Variants in PSME4 observed in about 807,000 individuals in gnomAD.
The protein encoded by PSME4 is proteasome activator subunit 4.
PSME4 carries 89 observed loss-of-function variants against 253.9 expected under a neutral mutation model. That is an observed-to-expected ratio of 0.35 (90% CI 0.30 to 0.42). The LOEUF (loss-of-function observed/expected upper bound fraction) is 0.42. Among genes scored for constraint, PSME4 ranks in the 10% least tolerant of loss-of-function variants. PSME4 has a pLI of 1.00. For missense variants in PSME4, 2,014 were observed against 2,195.2 expected (o/e 0.92, Z 1.65); for synonymous variants, 851 against 759.2 (o/e 1.12, Z -1.99).
At chr2:53,888,074 C>T in intron 38 of PSME4, 85 bp from the exon 39 acceptor site, 2 of 1,356,936 alleles carry the variant, frequency 1.5e-6, no homozygotes, top group Non-Finnish European at 1.9e-6. Flanking sequence ...ATCTGTATTT[C>T]ACTTAAAGCT....
chr2:53,886,790 G>A (rs561571899), intron 40 of PSME4, among the ~76,000 whole-genome samples: 6 of 152,270 alleles, frequency 3.9e-5, no homozygotes, highest in African/African-American at 1.4e-4. Flanking sequence ...ATAGCCAAAG[G>A]TGGAAACCCA....
chr2:53,885,459 T>C (rs1679593292), intron 41 of PSME4, among the ~76,000 whole-genome samples: 1 of 152,184 alleles, frequency 6.6e-6, no homozygotes, highest in Non-Finnish European at 1.5e-5. Context: ...TAAAACAATA[T>C]TCCGTTAAAT....
At chr2:53,923,593 A>G (rs928102198) in intron 14 of PSME4, among the ~76,000 whole-genome samples, 174 bp from the exon 15 acceptor site, 1 of 152,178 alleles carries the variant, frequency 6.6e-6, no homozygotes, top group Non-Finnish European at 1.5e-5. Flanking sequence ...CAGGTCTAAG[A>G]ACAATCTTTG....
At chr2:53,945,670 A>T (rs1669668147) in intron 3 of PSME4, among the ~76,000 whole-genome samples, 1 of 152,222 alleles carries the variant, frequency 6.6e-6, no homozygotes, top group South Asian at 2.1e-4. Context: ...TGATTTCAAT[A>T]AGGACTAAAA....
At position 53,874,411 on chromosome 2, in the gene PSME4, G is replaced by A. The variant is rs760678117; in HGVS notation, c.5028C>T (p.Phe1676=). The A allele has an allele frequency of 1.9e-6, 3 of 1,613,662 alleles. No homozygotes were observed. The highest frequency in any genetic ancestry group is 2.2e-5 in the South Asian group (2 of 91,078). The change falls in exon 43 of 47, where the codon TTC becomes TTT. Residue 1676 remains phenylalanine, a synonymous_variant. Transcript: ENST00000404125. The stretch of plus-strand genomic sequence containing the variant: ...CTTTAACTGCATCTTCATTGTTTAG[G>A]AAAATAAAGAGGTTATAAAATACCA... ...QTMVFYNLFI[F]LNNEDAVKDI...
At chr2:53,874,515 T>C (rs753794066) in intron 42 of PSME4, 21 bp from the exon 43 acceptor site, 25 of 1,610,370 alleles carry the variant, frequency 1.6e-5, no homozygotes, top group Non-Finnish European at 2.0e-5. Flanking sequence ...CAAATAAATA[T>C]AAACGATAAA....
intron 29 of PSME4, among the ~76,000 whole-genome samples, chr2:53,899,045 AAGAT>A (rs764312824): frequency 3.3e-5 from 5 of 152,092 alleles, no homozygotes; most frequent in Admixed American, 6.5e-5. Context: ...TAGAAAAAAA[AAGAT>A]AGGACAGTGA....
At chr2:53,896,289 T>C (rs1318313635) in intron 32 of PSME4, among the ~76,000 whole-genome samples, 2 of 152,182 alleles carry the variant, frequency 1.3e-5, no homozygotes, top group African/African-American at 4.8e-5. Flanking sequence ...GAATGTACTT[T>C]ATATGAAAAA....
At position 53,925,572 on chromosome 2, in the gene PSME4, T is replaced by G. The variant is rs1668525629; in HGVS notation, c.1776A>C (p.Thr592=). The change falls in exon 14 of 47, where the codon ACA becomes ACC. Residue 592 remains threonine (T), a synonymous_variant. Transcript: ENST00000404125. ...TTTCTTTGGAACATTGGGTGAGGAT[T>G]GTACTAAACGTAGAAGACAGACCTA... ...VELGLSSTFS[T]ILTQCSKEIF... The G allele has an allele frequency of 4.4e-6, 7 of 1,588,402 alleles. No homozygotes were observed. The highest frequency in any genetic ancestry group is 2.3e-5 in the East Asian group (1 of 44,286).
intron 4 of PSME4, among the ~76,000 whole-genome samples, chr2:53,938,615 A>T (rs1438404742): frequency 6.6e-6 from 1 of 151,988 alleles, no homozygotes; most frequent in Admixed American, 6.6e-5. Flanking sequence ...CAGCCTTAAG[A>T]GGTTTAAAAT....
At chr2:53,901,636 A>G (rs1287458777) in intron 27 of PSME4, 77 bp from the exon 28 acceptor site, 1 of 1,214,168 alleles carries the variant, frequency 8.2e-7, no homozygotes, top group Non-Finnish European at 1.1e-6. Context: ...GCACCTATGT[A>G]TTGGTTTTAA....
chr2:53,949,722 G>T (rs1669889810), intron 1 of PSME4, among the ~76,000 whole-genome samples: 1 of 152,148 alleles, frequency 6.6e-6, no homozygotes, highest in Admixed American at 6.5e-5. Flanking sequence ...GCTGCCAGGG[G>T]TTGCAAGGAC....
Position 53,920,334 on chromosome 2 carries a change from C to T in PSME4, c.2279G>A (p.Gly760Glu), listed in dbSNP as rs1668243698. ...CTGGATTCCCAGATTCCACAAGTCC[C>T]CGGGTTTGCCCCAGTCCTAGAAGAG... is the stretch of plus-strand genomic sequence containing the variant. ...YFPIKDWGKP[G>E]DLWNLGIQWH... is the part of the protein sequence containing the mutation. Residue 760 changes from glycine (G) to glutamate (E), a missense_variant, in exon 19 of 47, where the codon GGG becomes GAG. This residue lies in a region of PSME4 where 989 missense variants were observed against 1,021.1 expected (regional missense o/e 0.97). Coordinates refer to ENST00000404125, the MANE Select transcript of PSME4 (RefSeq NM_014614.3). The T allele has an allele frequency of 6.2e-7, 1 of 1,612,664 alleles. No homozygotes were observed. The highest frequency in any genetic ancestry group is 8.5e-7 in the Non-Finnish European group (1 of 1,179,228).
At chr2:53,923,145 C>A (rs1558687383) in intron 15 of PSME4, 27 bp from the exon 16 acceptor site, 2 of 1,574,338 alleles carry the variant, frequency 1.3e-6, no homozygotes, top group African/African-American at 1.4e-5. Flanking sequence ...ATAAGTAAGG[C>A]TTTTTTGAAA....
At chr2:53,960,138 G>A (rs975246047) in intron 1 of PSME4, among the ~76,000 whole-genome samples, 3 of 152,128 alleles carry the variant, frequency 2.0e-5, no homozygotes, top group Non-Finnish European at 2.9e-5. Flanking sequence ...GGTGGCTCAC[G>A]CCCGTAATCT....
chr2:53,882,715 A>T (rs1679449422), intron 41 of PSME4, among the ~76,000 whole-genome samples: 1 of 152,164 alleles, frequency 6.6e-6, no homozygotes, highest in Non-Finnish European at 1.5e-5. Flanking sequence ...AAAACCAAAC[A>T]TCTACTACTA....
intron 14 of PSME4, 98 bp downstream of exon 14, chr2:53,925,441 T>C: frequency 9.0e-7 from 1 of 1,110,200 alleles, no homozygotes; most frequent in Non-Finnish European, 1.2e-6. Flanking sequence ...ATGTAAATGA[T>C]AAACTGCATG....
At position 53,936,710 on chromosome 2, in the gene PSME4, GA is replaced by G. The variant is rs1422567998; in HGVS notation, c.759+53del. 9.0e-5 allele frequency: 112 copies of G among 1,249,342 alleles called. No individual in the cohort carries two copies. In the African/African-American group the frequency reaches 1.1e-3, roughly 13 times the overall value. The allele number at this position is 1,249,342 out of a possible 1,614,324, so 77.4% of individuals were successfully genotyped here. Reference sequence around the variant, plus strand: ...CTCCAAATTAAAAAAGTATGGGGGGGAAAAAAGAAAAAAAAAACTATAGGGG... The same window carrying G: ...CTCCAAATTAAAAAAGTATGGGGGGGAAAAAGAAAAAAAAAACTATAGGGG... On this transcript the variant is annotated intron_variant, in intron 6 of 46. Transcript: ENST00000404125.
At chr2:53,880,734 G>C (rs983095875) in intron 41 of PSME4, among the ~76,000 whole-genome samples, 2 of 152,176 alleles carry the variant, frequency 1.3e-5, no homozygotes, top group Admixed American at 1.3e-4. Flanking sequence ...CACATTCATA[G>C]TCAAAGGCAT....
Sources: allele counts gnomAD v4.1 joint callset (sites outside exome capture counted in the v4.1 genomes callset), GRCh38; gene constraint gnomAD v4.1.1; regional missense constraint gnomAD v4.1.1; transcripts MANE v1.5; gene names NCBI Gene and HGNC (gene_info 2026-07-23, HGNC 2026-07-21).